Variants in COL5A3 observed in about 807,000 individuals in gnomAD.
The protein encoded by COL5A3 is collagen alpha-3(V) chain.
A neutral mutation model predicts 250.0 loss-of-function variants in COL5A3; 172 were observed. That is an observed-to-expected ratio of 0.69 (90% CI 0.61 to 0.78). COL5A3 has a LOEUF of 0.78. Among genes scored for constraint, COL5A3 ranks in the 30% least tolerant of loss-of-function variants. The pLI, the probability that COL5A3 is intolerant of heterozygous loss-of-function variation, is 0.00. For missense variants in COL5A3, 2,340 were observed against 2,334.4 expected (o/e 1.00, Z -0.05); for synonymous variants, 937 against 900.4 (o/e 1.04, Z -0.73).
intron 23 of COL5A3, 49 bp from the exon 24 acceptor site, chr19:9,991,703 A>G (rs1043916375): frequency 1.2e-6 from 2 of 1,605,934 alleles, no homozygotes; most frequent in African/African-American, 1.3e-5. Flanking sequence ...AGAAGCGGTG[A>G]GTGTGGAGGT....
At chr19:10,006,430 G>T (rs1043940413) in intron 1 of COL5A3, among the ~76,000 whole-genome samples, 199 bp from the exon 2 acceptor site, 1 of 151,188 alleles carries the variant, frequency 6.6e-6, no homozygotes, top group East Asian at 1.9e-4. Context: ...CAGATGTTCC[G>T]ACCTCAGCAG....
intron 4 of COL5A3, among the ~76,000 whole-genome samples, chr19:10,004,839 C>T (rs67479537): frequency 0.062 from 9,511 of 152,200 alleles, 333 homozygotes; most frequent in African/African-American, 0.072. Context: ...AAGTCATAAC[C>T]GCCCCCACAC....
rs370497381 is a variant in COL5A3, at chr19:9,989,269, G to T, written c.2091+53C>A. 54 of 1,611,786 alleles carry T rather than the reference G, an allele frequency of 3.4e-5. No individual in the cohort carries two copies. The African/African-American group carries it at 6.5e-4, about 20-fold the overall frequency. ...TCTCCTCTGTGGCCCCTGACTGCAG[G>T]CCCTGCCTCCCGACCCTCGTCCCCA... is the stretch of plus-strand genomic sequence containing the variant. On this transcript the variant is annotated intron_variant, in intron 26 of 66. Coordinates refer to ENST00000264828, the MANE Select transcript of COL5A3 (RefSeq NM_015719.4).
In COL5A3 at chr19:9,962,787, TGTCACTCCCCATCTCGGCCTCG is replaced by T. The variant is rs776450230; in HGVS notation, c.4851+10_4851+31del. The T allele has an allele frequency of 1.3e-6, 2 of 1,555,688 alleles. No homozygotes were observed. The highest frequency in any genetic ancestry group is 1.8e-6 in the Non-Finnish European group (2 of 1,133,940). On this transcript the variant is annotated intron_variant, in intron 65 of 66. Transcript: ENST00000264828. Reference sequence around the variant, plus strand: ...CCCTGCTGGTTCCCATCAATTTTCATGTCACTCCCCATCTCGGCCTCGGTGACTCACCTTCTTCCCTCGACGG... The same window carrying T: ...CCCTGCTGGTTCCCATCAATTTTCATGTGACTCACCTTCTTCCCTCGACGG...
In COL5A3 at chr19:10,001,505, C is replaced by CT; in HGVS notation, c.1110+18_1110+19insA. The CT allele has an allele frequency of 6.2e-7, 1 of 1,612,522 alleles. No homozygotes were observed. Among genetic ancestry groups the CT allele is most frequent in the Middle Eastern group, 1.7e-4 (1 of 6,038 alleles). ...AATCCCACTCTCTTGCACCTAACCC[C>CT]AGCCACCTAGAAACTCACAGGAAAG... On this transcript the variant is annotated intron_variant, in intron 8 of 66. Coordinates refer to ENST00000264828, the MANE Select transcript of COL5A3 (RefSeq NM_015719.4).
chr19:9,998,232 G>GCA (rs143525824), intron 8 of COL5A3, 83 bp from the exon 9 acceptor site: 43,565 of 1,003,918 alleles, frequency 0.043, 282 homozygotes, highest in Admixed American at 0.1. Context: ...ACACACACTT[G>GCA]CACACACACA....
intron 51 of COL5A3, among the ~76,000 whole-genome samples, chr19:9,971,560 CTCAT>C (rs905942498): frequency 1.3e-5 from 2 of 151,826 alleles, no homozygotes; most frequent in Non-Finnish European, 1.5e-5. Context: ...CATTCATTCA[CTCAT>C]TCATTCATTC....
In COL5A3 at chr19:10,003,621, TCC is replaced by T; in HGVS notation, c.791_792del (p.Arg264LysfsTer14). 1 of 1,614,206 alleles carries T rather than the reference TCC, an allele frequency of 6.2e-7. No homozygotes were observed. Among genetic ancestry groups the T allele is most frequent in the South Asian group, 1.1e-5 (1 of 91,082 alleles). ...GAGGTCCAAATTTCCTTGTTCTTTT[TCC>T]TGCCCTTCCCCTTGCGACCTCGCCC... ...KKGRGRKGKG[R>X]KKNKEIWTSS... On this transcript the variant is annotated frameshift_variant, in exon 6 of 67. Coordinates refer to ENST00000264828, the MANE Select transcript of COL5A3 (RefSeq NM_015719.4). LOFTEE classifies it high-confidence loss of function.
rs200073180 is a variant in COL5A3, at chr19:9,977,268, G to A, written c.3249C>T (p.Ala1083=). 9.9e-5 allele frequency: 159 copies of A among 1,614,012 alleles called. 1 individual carries two copies. The East Asian group carries it at 3.5e-3, about 36-fold the overall frequency. ...CGCCTTTACTCCCCTTGTGTCCGGG[G>A]GCACCCACATCCCCCTGCAGAGGAA... ...GEEGDKGDVG[A]PGHKGSKGDK... The change falls in exon 44 of 67, where the codon GCC becomes GCT. Residue 1083 remains alanine (A), a synonymous_variant. Transcript: ENST00000264828.
chr19:9,985,505 C>T (rs1021651527), intron 31 of COL5A3, among the ~76,000 whole-genome samples: 3 of 152,006 alleles, frequency 2.0e-5, no homozygotes, highest in African/African-American at 7.3e-5. Flanking sequence ...AGTGATCCGC[C>T]TGCGTCTGCC....
Position 9,968,144 on chromosome 19 carries a change from A to G in COL5A3, c.4315-65T>C. On this transcript the variant is annotated intron_variant, in intron 59 of 66. Coordinates refer to ENST00000264828, the MANE Select transcript of COL5A3 (RefSeq NM_015719.4). The surrounding 1 kb of genome is among the most constrained non-coding windows in gnomAD (Gnocchi z 4.1). ...CCTATTGCCCTGACACATCCCCCAG[A>G]CAAGCCTTCAATCCTACCAAAGGAA... 6.9e-7 allele frequency: 1 copy of G among 1,454,266 alleles called. No homozygotes were observed. The highest frequency in any genetic ancestry group is 2.3e-5 in the East Asian group (1 of 43,070). The allele number at this position is 1,454,266 out of a possible 1,614,324, so 90.1% of individuals were successfully genotyped here. A position where few individuals can be genotyped will look rare whatever the true frequency, so the allele number is the denominator to read the frequency against.
At chr19:9,979,513 G>A (rs914593884) in intron 37 of COL5A3, 96 bp from the exon 38 acceptor site, 38 of 1,347,414 alleles carry the variant, frequency 2.8e-5, no homozygotes, top group Middle Eastern at 2.3e-4. Context: ...GAATCTGGCC[G>A]GTCCGGTGGC....
In COL5A3 at chr19:9,960,821, C is replaced by T. The variant is rs772662910; in HGVS notation, c.4921G>A (p.Ala1641Thr). The T allele has an allele frequency of 6.2e-7, 1 of 1,613,368 alleles. No individual in the cohort carries two copies. Among genetic ancestry groups the T allele is most frequent in the Non-Finnish European group, 8.5e-7 (1 of 1,180,042 alleles). ...TAGGTGAAGTTCTGGCGAGCTGTGG[C>T]ACTCAGCAGTTTCAGGAAGTTCAGC... ...VQLNFLKLLSATARQNFTYSC... is the reference protein window; with the variant it reads ...VQLNFLKLLSTTARQNFTYSC... The change falls in exon 66 of 67, where the codon GCC becomes ACC. Residue 1641 changes from alanine (A) to threonine (T), a missense_variant. By Grantham distance (58) the Ala-to-Thr change is moderately conservative (BLOSUM62 0). Coordinates refer to ENST00000264828, the MANE Select transcript of COL5A3 (RefSeq NM_015719.4).
rs1355524740 is a variant in COL5A3 at position 9,987,929 on chromosome 19, G to A, written c.2146-1171C>T. Among the ~76,000 whole-genome samples the A allele has an allele frequency of 2.0e-5, 3 of 151,936 alleles. No individual in the cohort carries two copies. The East Asian group carries it at 5.8e-4, about 29-fold the overall frequency. On this transcript the variant is annotated intron_variant, in intron 27 of 66. Coordinates refer to ENST00000264828, the MANE Select transcript of COL5A3 (RefSeq NM_015719.4). ...CAGCCTGGGCAACAGAGAAGACCCT[G>A]TCTCTAAAAAATAAAACATTTAGGG...
chr19:9,977,341 C>A (rs754319100), intron 43 of COL5A3, 24 bp downstream of exon 43: 8 of 1,611,778 alleles, frequency 5.0e-6, no homozygotes, highest in Non-Finnish European at 5.9e-6. Context: ...TCCCCTGGAC[C>A]CTTCCTCTCT....
chr19:9,972,560 G>A (rs3745586), intron 51 of COL5A3, among the ~76,000 whole-genome samples: 23,354 of 152,082 alleles, frequency 0.15, 1,914 homozygotes, highest in South Asian at 0.31. Context: ...AGTTTTGGCC[G>A]AGCGCGGTGG....
chr19:9,990,722 C>A (rs2087177096), intron 24 of COL5A3, among the ~76,000 whole-genome samples: 1 of 151,934 alleles, frequency 6.6e-6, no homozygotes, highest in Admixed American at 6.6e-5. Context: ...GCCACCACGC[C>A]CGGCTAATTT....
chr19:9,983,724 G>C (rs957154797), intron 31 of COL5A3, among the ~76,000 whole-genome samples: 1 of 145,884 alleles, frequency 6.9e-6, no homozygotes, highest in Non-Finnish European at 1.5e-5. Context: ...GAAAAGAAAA[G>C]AAAAAAGAGG....
At chr19:10,003,352 C>T (rs113569910) in intron 6 of COL5A3, among the ~76,000 whole-genome samples, 2,460 of 152,044 alleles carry the variant, frequency 0.016, 72 homozygotes, top group African/African-American at 0.056. Flanking sequence ...TGGGACCCAC[C>T]CCCACCCTGT....
Sources: gnomAD v4.1 joint callset for allele counts (sites outside exome capture counted in the v4.1 genomes callset) on GRCh38, gnomAD v4.1.1 for gene constraint, Gnocchi (gnomAD v3.1) non-coding constraint, MANE v1.5 for transcripts, NCBI Gene and HGNC (gene_info 2026-07-23, HGNC 2026-07-21) for gene names.